The following GART variants were observed in gnomAD, a reference collection of about 807,000 sequenced individuals.
GART encodes trifunctional purine biosynthetic protein adenosine-3.
GART carries 43 observed loss-of-function variants against 107.2 expected under a neutral mutation model. The observed-to-expected ratio is 0.40, with a 90% CI of 0.31 to 0.52. GART has a LOEUF of 0.52. Ranked by LOEUF, GART falls within the 20% of genes least tolerant of loss-of-function variation. The pLI is 0.52. For synonymous variants in GART, 434 were observed against 427.0 expected, an observed-to-expected ratio of 1.02 and a Z score of -0.20; for missense variants, 1,107 against 1,206.5, an observed-to-expected ratio of 0.92 and a Z score of 1.22.
chr21:33,520,231 T>C (rs2084945345), intron 14 of GART, 133 bp downstream of exon 14: 1 of 720,660 alleles, frequency 1.4e-6, no homozygotes. Context: ...ATTTCATTTG[T>C]GCATATCACA....
chr21:33,516,727 T>C (rs779604305), intron 16 of GART, among the ~76,000 whole-genome samples: 1 of 152,124 alleles, frequency 6.6e-6, no homozygotes, highest in Non-Finnish European at 1.5e-5. Context: ...AGCTTGAAGT[T>C]ACCAATCCCC....
chr21:33,517,645 T>A (rs779114577), intron 14 of GART, 37 bp from the exon 15 acceptor site: 40 of 1,609,296 alleles, frequency 2.5e-5, no homozygotes, highest in Middle Eastern at 3.3e-4. Flanking sequence ...AATCAGAGTA[T>A]TTATAAATCT....
chr21:33,506,114 G>A lies in GART; in HGVS notation c.2453-10C>T. ...GCTTGCAGGTTCGATCCTGAGAAGG[G>A]AGAAAAACAGCAGTGAGCTCATACT... On this transcript the variant is annotated splice_polypyrimidine_tract_variant and intron_variant, in intron 18 of 21. Transcript: ENST00000381815. 1 of 1,610,144 alleles carries A rather than the reference G, an allele frequency of 6.2e-7. No individual in the cohort carries two copies. Among genetic ancestry groups the A allele is most frequent in the South Asian group, 1.1e-5 (1 of 90,272 alleles).
chr21:33,528,756 TAAAA>T (rs57178645), intron 8 of GART, 90 bp downstream of exon 8: 315 of 801,178 alleles, frequency 3.9e-4, no homozygotes, highest in South Asian at 6.2e-4. Context: ...TAAAAAGTGG[TAAAA>T]AAAAAAAAAA....
At chr21:33,506,347 T>C (rs147893210) in intron 18 of GART, among the ~76,000 whole-genome samples, 6 of 152,272 alleles carry the variant, frequency 3.9e-5, no homozygotes, top group Non-Finnish European at 7.4e-5. Flanking sequence ...TTTCACCACG[T>C]TGGCCAGGCT....
Position 33,532,466 on chromosome 21 carries a change from CAG to C in GART, c.417-12_417-11del. Reference sequence around the variant, plus strand: ...AGCAGGGAAGTCTGCACTGTAAAGACAGAGTAATCGTCAACATCCAATAAACC... The same window carrying C: ...AGCAGGGAAGTCTGCACTGTAAAGACAGTAATCGTCAACATCCAATAAACC... On this transcript the variant is annotated splice_polypyrimidine_tract_variant and intron_variant, in intron 4 of 21. Coordinates refer to ENST00000381815, the MANE Select transcript of GART (RefSeq NM_000819.5). 6.3e-7 allele frequency: 1 copy of C among 1,596,428 alleles called. No homozygotes were observed. The highest frequency in any genetic ancestry group is 1.7e-4 in the Middle Eastern group (1 of 6,032).
chr21:33,542,346 C>CGG (rs1011323592), upstream of GART: 1 of 152,132 alleles, frequency 6.6e-6, no homozygotes, highest in African/African-American at 2.4e-5. Flanking sequence ...CCAGGAGCGC[C>CGG]GGGGGGGAGC....
Position 33,532,238 on chromosome 21 carries a change from T to C in GART, c.528+107A>G, listed in dbSNP as rs1430981019. ...GATTATAAAAAATAACTTACCCATA[T>C]GTTTGCAAAATAGATTTTCCTTATT... On this transcript the variant is annotated intron_variant, in intron 5 of 21. Coordinates refer to ENST00000381815, the MANE Select transcript of GART (RefSeq NM_000819.5). 19 of 755,488 alleles carry C rather than the reference T, an allele frequency of 2.5e-5. No individual in the cohort carries two copies. In the East Asian group the frequency reaches 3.9e-4, roughly 16 times the overall value. The allele number at this position is 755,488 out of a possible 1,614,324, so 46.8% of individuals were successfully genotyped here.
chr21:33,504,293 A>T lies in GART; in HGVS notation c.2864T>A (p.Ile955Asn). Residue 955 changes from isoleucine (I) to asparagine (N), a missense_variant, in exon 22 of 22, where the codon ATT becomes AAT. Transcript: ENST00000381815. ...CACGGGAACAGCTTCTTGCAAAATA[A>T]TCTGTCCAGCATCCACATCTTCCTG... ...FVAEDVDAGQ[I>N]ILQEAVPVKR... 6.2e-7 allele frequency: 1 copy of T among 1,614,156 alleles called. No individual in the cohort carries two copies. Among genetic ancestry groups the T allele is most frequent in the Non-Finnish European group, 8.5e-7 (1 of 1,180,026 alleles).
intron 16 of GART, among the ~76,000 whole-genome samples, chr21:33,514,571 G>C (rs903278964): frequency 6.6e-6 from 1 of 152,102 alleles, no homozygotes; most frequent in African/African-American, 2.4e-5. Context: ...CACAAAAACT[G>C]GCAAATGCAC....
intron 7 of GART, 177 bp downstream of exon 7, chr21:33,530,581 CT>C (rs796478557): frequency 2.2e-5 from 12 of 546,728 alleles, no homozygotes; most frequent in African/African-American, 2.2e-4. Context: ...TCAAAAAAGG[CT>C]TTTAGGAAAA....
intron 16 of GART, among the ~76,000 whole-genome samples, chr21:33,516,455 T>C (rs2084881506): frequency 1.3e-5 from 2 of 152,194 alleles, no homozygotes; most frequent in African/African-American, 4.8e-5. Flanking sequence ...CTTCAACTTC[T>C]GCTCACAGTC....
upstream of GART, chr21:33,542,807 C>T: frequency 1.9e-6 from 1 of 517,846 alleles, no homozygotes; most frequent in Non-Finnish European, 3.5e-6. Context: ...ACGGTCGCCT[C>T]AAGAGAGACG....
chr21:33,528,550 A>G lies in GART; in HGVS notation c.866T>C (p.Phe289Ser). The stretch of plus-strand genomic sequence containing the variant: ...CTCTGGATCACCAAAACGGCAATTA[A>G]ACTCTAGAACTTTTGGGCCATTCTT... Reference protein sequence around the residue: ...LTKNGPKVLEFNCRFGDPECQ... With the variant: ...LTKNGPKVLESNCRFGDPECQ... Residue 289 changes from phenylalanine (F) to serine (S), a missense_variant, in exon 9 of 22, where the codon TTT (phenylalanine) becomes TCT (serine). By Grantham distance (155) the Phe-to-Ser change is radical. Coordinates refer to ENST00000381815, the MANE Select transcript of GART (RefSeq NM_000819.5). 1 of 1,610,522 alleles carries G rather than the reference A, an allele frequency of 6.2e-7. No homozygotes were observed. Among genetic ancestry groups the G allele is most frequent in the Non-Finnish European group, 8.5e-7 (1 of 1,179,166 alleles).
chr21:33,521,427 C>A (rs564739592), intron 12 of GART, among the ~76,000 whole-genome samples: 1 of 150,976 alleles, frequency 6.6e-6, no homozygotes, highest in Non-Finnish European at 1.5e-5. Flanking sequence ...GTCAGGAGAT[C>A]GAGACCATCC....
rs1311246081 is a variant in GART, at chr21:33,506,101, G to A, written c.2456C>T (p.Ser819Leu). 4.3e-6 allele frequency: 7 copies of A among 1,612,536 alleles called. No individual in the cohort carries two copies. Among genetic ancestry groups the A allele is most frequent in the Admixed American group, 1.7e-5 (1 of 59,770 alleles). ...RVAVLISGTGSNLQALIDSTR... is the reference protein window; with the variant it reads ...RVAVLISGTGLNLQALIDSTR... ...ACTGTCTATAAGTGCTTGCAGGTTC[G>A]ATCCTGAGAAGGGAGAAAAACAGCA... The change falls in exon 19 of 22, where the codon TCG (serine) becomes TTG (leucine). Residue 819 changes from serine to leucine, a missense_variant. Coordinates refer to ENST00000381815, the MANE Select transcript of GART (RefSeq NM_000819.5).
chr21:33,535,639 G>A (rs988864270), intron 2 of GART, among the ~76,000 whole-genome samples: 1 of 152,086 alleles, frequency 6.6e-6, no homozygotes, highest in Non-Finnish European at 1.5e-5. Flanking sequence ...AACAAAAAAC[G>A]TAAGATATAC....
chr21:33,526,852 A>G (rs1005815664), intron 10 of GART, among the ~76,000 whole-genome samples: 1 of 152,136 alleles, frequency 6.6e-6, no homozygotes, highest in Non-Finnish European at 1.5e-5. Context: ...TTAGAAAACC[A>G]TTCTTTCATC....
intron 10 of GART, 122 bp from the exon 11 acceptor site, chr21:33,525,122 C>CTA: frequency 1.4e-6 from 2 of 1,422,670 alleles, no homozygotes; most frequent in Non-Finnish European, 1.8e-6. Context: ...TGCGGTGGCT[C>CTA]ATGCTTATAA....
Sources: allele counts gnomAD v4.1 joint callset (sites outside exome capture counted in the v4.1 genomes callset), GRCh38; gene constraint gnomAD v4.1.1; transcripts MANE v1.5; gene names NCBI Gene and HGNC (gene_info 2026-07-23, HGNC 2026-07-21).